Variants in NCAM2 observed in about 807,000 individuals in gnomAD.
NCAM2 encodes neural cell adhesion molecule 2, also known as N-CAM-2.
A neutral mutation model predicts 98.1 loss-of-function variants in NCAM2; 30 were observed. The ratio of observed to expected loss-of-function variants is 0.31; its 90% CI spans 0.23 to 0.41. The LOEUF is 0.41. NCAM2 is among the 10% of genes least tolerant of loss of function. The probability of loss-of-function intolerance (pLI) is 1.00; values close to 1 mark genes in which losing one functional copy is unlikely to be tolerated. For synonymous variants in NCAM2, 368 were observed against 342.4 expected, an observed-to-expected ratio of 1.07 and a Z score of -0.83; for missense variants, 867 against 1,005.8, an observed-to-expected ratio of 0.86 and a Z score of 1.87.
chr21:21,383,056 G>A (rs1177385072), intron 9 of NCAM2, among the ~76,000 whole-genome samples: 2 of 152,094 alleles, frequency 1.3e-5, no homozygotes, highest in Non-Finnish European at 2.9e-5. Flanking sequence ...GTATTTGCAT[G>A]TGTTTGTTGT....
intron 1 of NCAM2, among the ~76,000 whole-genome samples, chr21:21,118,361 A>T (rs1409330829): frequency 2.0e-5 from 3 of 152,150 alleles, no homozygotes; most frequent in Admixed American, 2.0e-4. Context: ...TAAATCTCAA[A>T]ATAAGCTTAG....
In NCAM2 at chr21:21,280,563, C is replaced by T; in HGVS notation, c.56-15C>T. ...CTTAAAAATCACCATTAATTGTTTC[C>T]CAATTTTTTTTCAGCTCTTCTTCAA... On this transcript the variant is annotated splice_polypyrimidine_tract_variant and intron_variant, in intron 1 of 17. Transcript: ENST00000400546. The T allele has an allele frequency of 6.4e-7, 1 of 1,565,072 alleles. No individual in the cohort carries two copies. Among genetic ancestry groups the T allele is most frequent in the Non-Finnish European group, 8.7e-7 (1 of 1,150,110 alleles).
chr21:21,169,598 A>G (rs2068056206), intron 1 of NCAM2, among the ~76,000 whole-genome samples: 1 of 152,200 alleles, frequency 6.6e-6, no homozygotes, highest in South Asian at 2.1e-4. Flanking sequence ...CAACAATAAG[A>G]AAATCAATAA....
chr21:21,382,720 C>T (rs1260135971), intron 9 of NCAM2, among the ~76,000 whole-genome samples: 2 of 151,654 alleles, frequency 1.3e-5, no homozygotes, highest in African/African-American at 2.4e-5. Context: ...TTAGTAGAGA[C>T]GGGGTTTCGC....
At chr21:21,414,673 G>A (rs1602268357) in intron 10 of NCAM2, among the ~76,000 whole-genome samples, 1 of 151,720 alleles carries the variant, frequency 6.6e-6, no homozygotes, top group Non-Finnish European at 1.5e-5. Context: ...GTTTCACGGT[G>A]TTAACCAGGA....
chr21:21,479,155 A>C (rs1340736585), intron 15 of NCAM2, among the ~76,000 whole-genome samples: 1 of 123,278 alleles, frequency 8.1e-6, no homozygotes, highest in East Asian at 1.9e-4. Context: ...TAATCCGTTT[A>C]ATTTAATAAT....
intron 1 of NCAM2, among the ~76,000 whole-genome samples, chr21:21,060,955 G>T (rs1366575200): frequency 6.6e-6 from 1 of 152,090 alleles, no homozygotes; most frequent in Non-Finnish European, 1.5e-5. Flanking sequence ...AAGAAGCCAA[G>T]GAAAGGTGGG....
chr21:21,175,844 T>G (rs1198111288), intron 1 of NCAM2, among the ~76,000 whole-genome samples: 1 of 152,174 alleles, frequency 6.6e-6, no homozygotes, highest in Non-Finnish European at 1.5e-5. Context: ...TACTTCTGGA[T>G]AGATTCCTAA....
At chr21:21,025,262 T>G (rs1411847013) in intron 1 of NCAM2, among the ~76,000 whole-genome samples, 1 of 151,984 alleles carries the variant, frequency 6.6e-6, no homozygotes, top group Admixed American at 6.5e-5. Context: ...ATTGTTTGTA[T>G]TTTTAGTAGA....
At chr21:21,019,039 A>G (rs2064375382) in intron 1 of NCAM2, among the ~76,000 whole-genome samples, 1 of 152,224 alleles carries the variant, frequency 6.6e-6, no homozygotes, top group Non-Finnish European at 1.5e-5. Flanking sequence ...CTGCCAGCAC[A>G]TGGCAGTTCC....
At chr21:21,102,354 A>G (rs1249496637) in intron 1 of NCAM2, among the ~76,000 whole-genome samples, 1 of 152,082 alleles carries the variant, frequency 6.6e-6, no homozygotes, top group Non-Finnish European at 1.5e-5. Flanking sequence ...AAGGGGTGTG[A>G]CAACTTGATA....
intron 4 of NCAM2, among the ~76,000 whole-genome samples, chr21:21,289,506 C>G (rs2073217522): frequency 6.6e-6 from 1 of 151,820 alleles, no homozygotes; most frequent in Non-Finnish European, 1.5e-5. Context: ...ATTAGCCAGG[C>G]AAACGTCGGT....
intron 12 of NCAM2, among the ~76,000 whole-genome samples, chr21:21,435,020 A>C (rs200389011): frequency 7.7e-6 from 1 of 129,858 alleles, no homozygotes; most frequent in Non-Finnish European, 1.7e-5. Context: ...AGAATATTTC[A>C]TTTTTGGAGA....
chr21:21,133,905 A>G (rs1288002210), intron 1 of NCAM2, among the ~76,000 whole-genome samples: 2 of 152,150 alleles, frequency 1.3e-5, no homozygotes, highest in Non-Finnish European at 2.9e-5. Flanking sequence ...ACTGGTACAT[A>G]TTGATGCTGA....
At chr21:21,380,863 TTG>T (rs1395331193) in intron 9 of NCAM2, among the ~76,000 whole-genome samples, 12 of 152,294 alleles carry the variant, frequency 7.9e-5, no homozygotes, top group African/African-American at 2.9e-4. Flanking sequence ...TCCCTCCCGT[TTG>T]TGTCTTTATG....
chr21:21,248,862 T>A (rs1041666195), intron 1 of NCAM2, among the ~76,000 whole-genome samples: 1 of 148,512 alleles, frequency 6.7e-6, no homozygotes, highest in Non-Finnish European at 1.5e-5. Context: ...GCTCTCACAT[T>A]AAGGGCATAG....
intron 1 of NCAM2, among the ~76,000 whole-genome samples, chr21:21,163,035 T>A (rs11909075): frequency 0.44 from 66,271 of 151,958 alleles, 15,840 homozygotes; most frequent in South Asian, 0.6. Context: ...TAATGAAGAG[T>A]CCAATTAGCA....
chr21:21,482,040 A>G (rs889262861), intron 15 of NCAM2, among the ~76,000 whole-genome samples: 4 of 151,932 alleles, frequency 2.6e-5, no homozygotes, highest in South Asian at 4.1e-4. Context: ...GGAGGTTGCA[A>G]TGAGCCAAGA....
At chr21:21,049,177 G>A (rs554869186) in intron 1 of NCAM2, among the ~76,000 whole-genome samples, 1 of 142,976 alleles carries the variant, frequency 7.0e-6, no homozygotes, top group Admixed American at 7.0e-5. Context: ...CCGCCACCGC[G>A]CCCGGCTAAT....
Sources: gnomAD v4.1 joint callset for allele counts (sites outside exome capture counted in the v4.1 genomes callset) on GRCh38, gnomAD v4.1.1 for gene constraint, MANE v1.5 for transcripts, NCBI Gene and HGNC (gene_info 2026-07-23, HGNC 2026-07-21) for gene names.